FUT9: variants seen among roughly 807,000 people sequenced by gnomAD.
FUT9 encodes 4-galactosyl-N-acetylglucosaminide 3-alpha-L-fucosyltransferase 9.
Under a neutral mutation model 29.7 loss-of-function variants are expected in FUT9, and 15 were observed. The ratio of observed to expected loss-of-function variants is 0.51; its 90% CI spans 0.34 to 0.78. The LOEUF is 0.78. Ranked by LOEUF, FUT9 falls within the 30% of genes least tolerant of loss-of-function variation. The pLI is 0.01. For synonymous variants in FUT9, 169 were observed against 153.7 expected, an observed-to-expected ratio of 1.10 and a Z score of -0.74; for missense variants, 319 against 425.4, an observed-to-expected ratio of 0.75 and a Z score of 2.20.
At chr6:96,041,315 A>G (rs1202767066) in intron 1 of FUT9, among the ~76,000 whole-genome samples, 2 of 152,054 alleles carry the variant, frequency 1.3e-5, no homozygotes, top group African/African-American at 4.8e-5. Flanking sequence ...TGGATTTTCT[A>G]TTACTCAAGT....
At chr6:96,096,531 T>C (rs1174893932) in intron 1 of FUT9, among the ~76,000 whole-genome samples, 1 of 152,098 alleles carries the variant, frequency 6.6e-6, no homozygotes, top group Non-Finnish European at 1.5e-5. Context: ...CATCACTCCC[T>C]TAATCTATCT....
intron 1 of FUT9, among the ~76,000 whole-genome samples, chr6:96,059,500 T>A (rs1018507264): frequency 6.6e-6 from 1 of 152,218 alleles, no homozygotes; most frequent in Non-Finnish European, 1.5e-5. Flanking sequence ...GACTTGTACA[T>A]AAGCATCTAC....
chr6:96,120,400 A>G (rs1362520464), intron 2 of FUT9, among the ~76,000 whole-genome samples: 1 of 149,182 alleles, frequency 6.7e-6, no homozygotes, highest in African/African-American at 2.5e-5. Context: ...CACCCCCAGT[A>G]GCTGGGACTA....
chr6:96,122,853 T>G (rs1772055327), intron 2 of FUT9, among the ~76,000 whole-genome samples: 1 of 152,042 alleles, frequency 6.6e-6, no homozygotes, highest in South Asian at 2.1e-4. Flanking sequence ...GAGACCATCC[T>G]GCCTAACACG....
At chr6:96,190,505 C>G (rs1043461785) in intron 2 of FUT9, among the ~76,000 whole-genome samples, 1 of 152,166 alleles carries the variant, frequency 6.6e-6, no homozygotes, top group Non-Finnish European at 1.5e-5. Flanking sequence ...AGATTGTTTT[C>G]CAACTTGGTT....
intron 1 of FUT9, among the ~76,000 whole-genome samples, chr6:96,091,449 T>A (rs1771410579): frequency 6.6e-6 from 1 of 152,076 alleles, no homozygotes; most frequent in African/African-American, 2.4e-5. Flanking sequence ...ATATCTTGGA[T>A]CATAAAAGAA....
At chr6:96,183,129 T>C (rs1397577197) in intron 2 of FUT9, among the ~76,000 whole-genome samples, 1 of 152,126 alleles carries the variant, frequency 6.6e-6, no homozygotes, top group East Asian at 1.9e-4. Context: ...CAATGTTTTG[T>C]AGTTTTCCTT....
chr6:96,197,977 C>T (rs1773656656), intron 2 of FUT9, among the ~76,000 whole-genome samples: 1 of 152,180 alleles, frequency 6.6e-6, no homozygotes, highest in African/African-American at 2.4e-5. Context: ...GAGGGAGCCT[C>T]CTGTTCTCCT....
chr6:96,202,847 A>G (rs1171447603), intron 2 of FUT9, among the ~76,000 whole-genome samples: 1 of 152,154 alleles, frequency 6.6e-6, no homozygotes, highest in Non-Finnish European at 1.5e-5. Flanking sequence ...AGGTTGTGCC[A>G]CTTTTCTACA....
intron 1 of FUT9, among the ~76,000 whole-genome samples, chr6:96,100,281 A>ATC (rs1771567533): frequency 6.9e-6 from 1 of 145,806 alleles, no homozygotes; most frequent in South Asian, 2.2e-4. Context: ...ACACACATAT[A>ATC]ATATTTAAAA....
intron 1 of FUT9, among the ~76,000 whole-genome samples, chr6:96,032,988 T>G (rs540951548): frequency 2.6e-5 from 4 of 151,650 alleles, no homozygotes; most frequent in African/African-American, 9.6e-5. Flanking sequence ...TTTTTGACGG[T>G]TTTTTGATTC....
Position 96,064,751 on chromosome 6 carries a change from G to T in FUT9, c.-98+48539G>T, listed in dbSNP as rs73757720. Among the ~76,000 whole-genome samples, 825 of 151,984 alleles carry T rather than the reference G, an allele frequency of 5.4e-3. 11 individuals carry two copies. The highest frequency in any genetic ancestry group is 0.019 in the African/African-American group (778 of 41,438). On this transcript the variant is annotated intron_variant, in intron 1 of 2. Transcript: ENST00000302103. ...ATCTTTCACCTTAATACACACACAT[G>T]CATGCATGTGCACACACACGCAAAC...
chr6:96,058,155 G>C (rs981356920), intron 1 of FUT9, among the ~76,000 whole-genome samples: 5 of 151,970 alleles, frequency 3.3e-5, no homozygotes, highest in African/African-American at 1.2e-4. Flanking sequence ...GTTGGGTGCA[G>C]TTCTATTCTG....
At chr6:96,127,430 C>A (rs1772153783) in intron 2 of FUT9, among the ~76,000 whole-genome samples, 1 of 152,102 alleles carries the variant, frequency 6.6e-6, no homozygotes, top group South Asian at 2.1e-4. Context: ...TTTCTTTATC[C>A]ATTCTATCAT....
At chr6:96,070,000 AATATAATGGGCACAATTCATGAATAAATT>A (rs1771031576) in intron 1 of FUT9, among the ~76,000 whole-genome samples, 2 of 152,206 alleles carry the variant, frequency 1.3e-5, no homozygotes, top group African/African-American at 4.8e-5. Context: ...CAAAGAAAAA[AATATAATGGGCACAATTCATGAATAAATT>A]ATAAATTATT....
At chr6:96,166,275 T>A (rs939481719) in intron 2 of FUT9, among the ~76,000 whole-genome samples, 1 of 152,224 alleles carries the variant, frequency 6.6e-6, no homozygotes, top group Admixed American at 6.5e-5. Context: ...AATATGATAA[T>A]GTAATGTTAG....
At chr6:96,029,060 C>G (rs924394544) in intron 1 of FUT9, among the ~76,000 whole-genome samples, 1 of 151,452 alleles carries the variant, frequency 6.6e-6, no homozygotes, top group Non-Finnish European at 1.5e-5. Context: ...GTTCACCAGG[C>G]AAACAAATAT....
At chr6:96,179,536 T>A (rs1773267857) in intron 2 of FUT9, among the ~76,000 whole-genome samples, 1 of 150,706 alleles carries the variant, frequency 6.6e-6, no homozygotes, top group Non-Finnish European at 1.5e-5. Flanking sequence ...ACTTTAACAA[T>A]TTTTTTTGCT....
intron 2 of FUT9, among the ~76,000 whole-genome samples, chr6:96,195,169 C>T (rs957337131): frequency 2.0e-5 from 3 of 152,040 alleles, no homozygotes; most frequent in African/African-American, 4.8e-5. Flanking sequence ...TAGAAACAAA[C>T]GTCTGAGGCA....
Sources: allele counts gnomAD v4.1 joint callset (sites outside exome capture counted in the v4.1 genomes callset), GRCh38; gene constraint gnomAD v4.1.1; transcripts MANE v1.5; gene names NCBI Gene and HGNC (gene_info 2026-07-23, HGNC 2026-07-21).